The following PIK3R1 variants were observed in gnomAD, a reference collection of about 807,000 sequenced individuals.
The protein encoded by PIK3R1 is phosphoinositide-3-kinase regulatory subunit 1, also known as phosphatidylinositol 3-kinase regulatory subunit alpha.
Under a neutral mutation model 98.0 loss-of-function variants are expected in PIK3R1, and 29 were observed. The observed-to-expected ratio is 0.30, with a 90% CI of 0.22 to 0.40. PIK3R1 has a LOEUF of 0.40. Among genes scored for constraint, PIK3R1 ranks in the 10% least tolerant of loss-of-function variants. The pLI is 1.00. For missense variants in PIK3R1, 596 were observed against 872.7 expected, an observed-to-expected ratio of 0.68 and a Z score of 3.99; for synonymous variants, 282 against 311.8, an observed-to-expected ratio of 0.90 and a Z score of 1.01.
rs1744300386 is a variant in PIK3R1, at chr5:68,226,932, C to T, written c.257C>T (p.Thr86Ile). The T allele has an allele frequency of 6.2e-7, 1 of 1,614,148 alleles. No individual in the cohort carries two copies. Among genetic ancestry groups the T allele is most frequent in the Non-Finnish European group, 8.5e-7 (1 of 1,180,008 alleles). ...YIGRKKISPP[T>I]PKPRPPRPLP... ...GGAAGGAAAAAAATCTCGCCTCCCA[C>T]ACCAAAGCCCCGGCCACCTCGGCCT... Residue 86 changes from threonine (T) to isoleucine (I), a missense_variant, in exon 2 of 16, where the codon ACA becomes ATA. Thr to Ile is a moderately conservative substitution (Grantham distance 89). Around this residue, in one of 3 missense-constraint regions of PIK3R1, gnomAD observed 352 missense variants for 393.3 expected, o/e 0.90. Transcript: ENST00000521381.
intron 2 of PIK3R1, among the ~76,000 whole-genome samples, chr5:68,257,030 C>T (rs1317553563): frequency 6.6e-6 from 1 of 152,140 alleles, no homozygotes; most frequent in African/African-American, 2.4e-5. Context: ...GTGATATGTG[C>T]CACCAGGAAC....
chr5:68,247,800 C>T (rs1267503743), intron 2 of PIK3R1, among the ~76,000 whole-genome samples: 5 of 152,052 alleles, frequency 3.3e-5, no homozygotes, highest in Admixed American at 1.3e-4. Context: ...ATTTCCTGCC[C>T]AACGGGACAG....
intron 8 of PIK3R1, 50 bp downstream of exon 8, chr5:68,292,411 A>G (rs760243360): frequency 2.0e-6 from 3 of 1,509,812 alleles, no homozygotes; most frequent in Non-Finnish European, 2.8e-6. Context: ...TAAAAGAAAG[A>G]AAAGCACCAG....
chr5:68,259,543 G>A (rs142896941), intron 2 of PIK3R1, among the ~76,000 whole-genome samples: 38 of 152,368 alleles, frequency 2.5e-4, no homozygotes, highest in East Asian at 7.7e-4. Flanking sequence ...CACCATGGGC[G>A]TGAGGAGAGG....
At chr5:68,288,730 G>A in intron 7 of PIK3R1, 1 of 1,613,676 alleles carries the variant, frequency 6.2e-7, no homozygotes, top group Non-Finnish European at 8.5e-7. Flanking sequence ...AAGGGAAACC[G>A]TTGAAATGCA....
In PIK3R1 at chr5:68,300,216, A is replaced by G. The variant is rs1747963076; in HGVS notation, c.*2615A>G. 4.3e-6 allele frequency: 1 copy of G among 233,068 alleles called. No individual in the cohort carries two copies. The highest frequency in any genetic ancestry group is 1.8e-4 in the South Asian group (1 of 5,534). 14.4% of individuals were successfully genotyped at this position (233,068 alleles called of 1,614,324 possible). A position where few individuals can be genotyped will look rare whatever the true frequency, so the allele number is the denominator to read the frequency against. ...CAATAGATCTTTTCATTGAACAGCA[A>G]AGTAGGATTCATCATTCCATATGAC... is the stretch of plus-strand genomic sequence containing the variant. On this transcript the variant is annotated 3_prime_UTR_variant, in exon 16 of 16. Coordinates refer to ENST00000521381, the MANE Select transcript of PIK3R1 (RefSeq NM_181523.3).
At chr5:68,265,738 T>C (rs1181200310) in intron 2 of PIK3R1, among the ~76,000 whole-genome samples, 1 of 152,282 alleles carries the variant, frequency 6.6e-6, no homozygotes, top group East Asian at 1.9e-4. Context: ...CATCTGACTT[T>C]AAAATGCATC....
At chr5:68,291,041 A>G (rs1030955683) in intron 7 of PIK3R1, 4 of 440,440 alleles carry the variant, frequency 9.1e-6, no homozygotes, top group African/African-American at 2.0e-5. Context: ...GTAAATGCTT[A>G]TTCTTACTTG....
intron 2 of PIK3R1, among the ~76,000 whole-genome samples, chr5:68,257,833 C>T (rs1352903547): frequency 6.6e-6 from 1 of 152,154 alleles, no homozygotes; most frequent in Non-Finnish European, 1.5e-5. Flanking sequence ...CTTCTTGTTG[C>T]CTCTCCTGAA....
chr5:68,297,078 A>G (rs1456323935), intron 15 of PIK3R1, among the ~76,000 whole-genome samples: 4 of 152,226 alleles, frequency 2.6e-5, no homozygotes, highest in South Asian at 2.1e-4. Context: ...AGTTGTCCTC[A>G]TCATGATTGG....
At chr5:68,234,072 C>T (rs186971336) in intron 2 of PIK3R1, among the ~76,000 whole-genome samples, 105 of 152,224 alleles carry the variant, frequency 6.9e-4, no homozygotes, top group Middle Eastern at 3.4e-3. Flanking sequence ...TATCCAAGAT[C>T]GTAAAGAATA....
Position 68,293,670 on chromosome 5 carries a change from T to A in PIK3R1, c.1300-39T>A, listed in dbSNP as rs1747519436. On this transcript the variant is annotated intron_variant, in intron 10 of 15. Transcript: ENST00000521381. ...TTTTGTTAAACAATTGTTATTTGAT[T>A]AAATACCTTATCCATTGAATTTATT... The A allele has an allele frequency of 9.1e-6, 12 of 1,317,852 alleles. No individual in the cohort carries two copies. In the East Asian group the frequency reaches 2.8e-4, roughly 31 times the overall value. 81.6% of individuals were successfully genotyped at this position (1,317,852 alleles called of 1,614,324 possible). A position where few individuals can be genotyped will look rare whatever the true frequency, so the allele number is the denominator to read the frequency against.
At chr5:68,252,131 A>T (rs1274200022) in intron 2 of PIK3R1, among the ~76,000 whole-genome samples, 1 of 152,184 alleles carries the variant, frequency 6.6e-6, no homozygotes, top group East Asian at 1.9e-4. Flanking sequence ...GGCCCCTTGC[A>T]TCCTTCATCT....
Position 68,279,593 on chromosome 5 carries a change from G to A in PIK3R1, c.503-9G>A. The A allele has an allele frequency of 6.2e-7, 1 of 1,600,382 alleles. No homozygotes were observed. Among genetic ancestry groups the A allele is most frequent in the Non-Finnish European group, 8.5e-7 (1 of 1,173,606 alleles). The stretch of plus-strand genomic sequence containing the variant: ...AAATGTCTGAAATATTTCTTAAATT[G>A]TTTCCTAGATACACCCTCCGTGGAC... On this transcript the variant is annotated splice_polypyrimidine_tract_variant and intron_variant, in intron 4 of 15. Transcript: ENST00000521381.
intron 2 of PIK3R1, among the ~76,000 whole-genome samples, chr5:68,262,594 T>C (rs1272544348): frequency 7.4e-6 from 1 of 134,942 alleles, no homozygotes; most frequent in South Asian, 2.3e-4. Context: ...CACATGTATC[T>C]GCATGTATAC....
At chr5:68,267,268 T>C (rs192842217) in intron 2 of PIK3R1, among the ~76,000 whole-genome samples, 13 of 152,342 alleles carry the variant, frequency 8.5e-5, no homozygotes, top group Admixed American at 2.0e-4. Context: ...CTCCTAACTC[T>C]GAGGCTTTAG....
chr5:68,292,064 T>G, intron 7 of PIK3R1, 195 bp from the exon 8 acceptor site: 1 of 422,840 alleles, frequency 2.4e-6, no homozygotes, highest in Non-Finnish European at 4.2e-6. Context: ...CTTTTCAGTT[T>G]CATTTCTTTT....
intron 2 of PIK3R1, among the ~76,000 whole-genome samples, chr5:68,247,628 G>T (rs1745150410): frequency 1.3e-5 from 2 of 151,124 alleles, no homozygotes. Context: ...ACTCAGGCTG[G>T]AGTATAGTGG....
intron 2 of PIK3R1, among the ~76,000 whole-genome samples, chr5:68,259,851 C>G (rs573294856): frequency 6.6e-6 from 1 of 152,258 alleles, no homozygotes; most frequent in East Asian, 1.9e-4. Flanking sequence ...ATAAGGATCT[C>G]TTGGAAGGGA....
Sources: allele counts gnomAD v4.1 joint callset (sites outside exome capture counted in the v4.1 genomes callset), GRCh38; gene constraint gnomAD v4.1.1; regional missense constraint gnomAD v4.1.1; transcripts MANE v1.5; gene names NCBI Gene and HGNC (gene_info 2026-07-23, HGNC 2026-07-21).